The following TCEANC2 variants were observed in gnomAD, a reference collection of about 807,000 sequenced individuals.
TCEANC2 encodes the protein transcription elongation factor A N-terminal and central domain-containing protein 2.
A neutral mutation model predicts 22.8 loss-of-function variants in TCEANC2; 20 were observed. That is an observed-to-expected ratio of 0.88 (90% CI 0.62 to 1.28). The LOEUF (loss-of-function observed/expected upper bound fraction) is 1.28. TCEANC2 is among the 50% of genes most tolerant of loss of function. TCEANC2 has a pLI of 0.00. For missense variants in TCEANC2, 251 were observed against 249.7 expected (o/e 1.01, Z -0.03); for synonymous variants, 84 against 95.5 (o/e 0.88, Z 0.70).
rs562042436 is a variant in TCEANC2, at chr1:54,074,321, G to A, written c.244+5424G>A. On this transcript the variant is annotated intron_variant, in intron 3 of 4. Coordinates refer to ENST00000234827, the MANE Select transcript of TCEANC2 (RefSeq NM_153035.3). ...TACTAAAAATACAAACAATTAGCTG[G>A]GCATGGTGGCGGACGCCTGTAGTCC... 2.0e-5 allele frequency among the ~76,000 whole-genome samples: 3 copies of A among 152,246 alleles called. No homozygotes were observed. In the South Asian group the frequency reaches 6.2e-4, roughly 32 times the overall value.
intron 2 of TCEANC2, among the ~76,000 whole-genome samples, chr1:54,060,147 C>T (rs920336750): frequency 6.6e-6 from 1 of 152,170 alleles, no homozygotes; most frequent in African/African-American, 2.4e-5. Context: ...GTGGCTCACA[C>T]CTGTAATCCC....
Position 54,097,833 on chromosome 1 carries a change from A to G in TCEANC2, c.*1360A>G, listed in dbSNP as rs956236526. On this transcript the variant is annotated 3_prime_UTR_variant, in exon 5 of 5. Coordinates refer to ENST00000234827, the MANE Select transcript of TCEANC2 (RefSeq NM_153035.3). ...ACAGAAACATCACCTTCAATTTCCT[A>G]CTGCTAGTAACTATTGGAGCTAGAA... The G allele has an allele frequency of 1.3e-5, 2 of 152,170 alleles. No individual in the cohort carries two copies. Among genetic ancestry groups the G allele is most frequent in the African/African-American group, 4.8e-5 (2 of 41,436 alleles). The allele number at this position is 152,170 out of a possible 1,614,324, so 9.4% of individuals were successfully genotyped here. A position where few individuals can be genotyped will look rare whatever the true frequency, so the allele number is the denominator to read the frequency against.
chr1:54,073,869 G>C (rs1658100570), intron 3 of TCEANC2, among the ~76,000 whole-genome samples: 1 of 152,190 alleles, frequency 6.6e-6, no homozygotes, highest in Non-Finnish European at 1.5e-5. Context: ...AGACATACAT[G>C]TAATAAATCC....
rs1658609178 is a variant in TCEANC2, at chr1:54,099,094, G to C, written c.*2621G>C. ...GAACTGGTCACTTTTGTGTTAATAG[G>C]CTATGTGGAAGAGAAGCTGGGGTAG... On this transcript the variant is annotated 3_prime_UTR_variant, in exon 5 of 5. Coordinates refer to ENST00000234827, the MANE Select transcript of TCEANC2 (RefSeq NM_153035.3). The C allele has an allele frequency of 1.3e-5, 2 of 152,238 alleles. No homozygotes were observed. Among genetic ancestry groups the C allele is most frequent in the Non-Finnish European group, 2.9e-5 (2 of 68,064 alleles). The allele number at this position is 152,238 out of a possible 1,614,324, so 9.4% of individuals were successfully genotyped here.
downstream of TCEANC2, chr1:54,110,955 A>G (rs1658830092): frequency 6.6e-6 from 1 of 152,252 alleles, no homozygotes; most frequent in Non-Finnish European, 1.5e-5. Flanking sequence ...ACTCTCTGAC[A>G]CATCAGTGTT....
intron 3 of TCEANC2, among the ~76,000 whole-genome samples, chr1:54,074,896 A>G (rs1484003725): frequency 1.3e-5 from 2 of 152,182 alleles, no homozygotes; most frequent in Admixed American, 6.5e-5. Context: ...TCAGAAAGGG[A>G]ATGTGGTATT....
intron 2 of TCEANC2, among the ~76,000 whole-genome samples, chr1:54,059,189 A>G (rs890232504): frequency 2.8e-5 from 4 of 143,968 alleles, no homozygotes; most frequent in African/African-American, 7.8e-5. Flanking sequence ...GTCTTGCTCT[A>G]TCACCCAGGC....
intron 3 of TCEANC2, among the ~76,000 whole-genome samples, chr1:54,071,192 A>G (rs1557688694): frequency 6.6e-6 from 1 of 152,222 alleles, no homozygotes; most frequent in Non-Finnish European, 1.5e-5. Context: ...TGGTCTTGGC[A>G]TATGTATTAG....
In TCEANC2 at chr1:54,096,890, CCT is replaced by C. The variant is rs1163796497; in HGVS notation, c.*418_*419del. 7 of 989,882 alleles carry C rather than the reference CCT, an allele frequency of 7.1e-6. No homozygotes were observed. Among genetic ancestry groups the C allele is most frequent in the South Asian group, 4.6e-5 (1 of 21,576 alleles). The allele number at this position is 989,882 out of a possible 1,614,324, so 61.3% of individuals were successfully genotyped here. ...GCTGCCGCTCACTCGGTTCCATCCC[CCT>C]GAGTTTAGATAGCTCTGGTGCCTCT... On this transcript the variant is annotated 3_prime_UTR_variant, in exon 5 of 5. Transcript: ENST00000234827. The surrounding 1 kb of genome is among the most constrained non-coding windows in gnomAD (Gnocchi z 4.9).
intron 4 of TCEANC2, among the ~76,000 whole-genome samples, chr1:54,094,976 A>AT (rs200317983): frequency 2.0e-4 from 31 of 151,724 alleles, no homozygotes; most frequent in Admixed American, 1.8e-3. Context: ...CCATCTCTAA[A>AT]TTTTTTTTTA....
intron 2 of TCEANC2, among the ~76,000 whole-genome samples, chr1:54,054,760 G>A (rs1416291907): frequency 6.6e-6 from 1 of 152,152 alleles, no homozygotes; most frequent in Non-Finnish European, 1.5e-5. Context: ...GTGCTAGCTC[G>A]TAGGACAAGT....
chr1:54,068,747 T>C lies in TCEANC2; in HGVS notation c.103-9T>C, dbSNP rs765378830. On this transcript the variant is annotated splice_polypyrimidine_tract_variant and intron_variant, in intron 2 of 4. Transcript: ENST00000234827. The stretch of plus-strand genomic sequence containing the variant: ...GTTCCATTTTCCAAATGACTTTTCT[T>C]TTTCCCAGAGAGTTGTGGTTGTAGA... 6.3e-7 allele frequency: 1 copy of C among 1,582,896 alleles called. No individual in the cohort carries two copies. Among genetic ancestry groups the C allele is most frequent in the Admixed American group, 2.0e-5 (1 of 51,148 alleles).
rs1658617491 is a variant in TCEANC2 at position 54,099,471 on chromosome 1, C to T, written c.*2998C>T. On this transcript the variant is annotated 3_prime_UTR_variant, in exon 5 of 5. Transcript: ENST00000234827. ...AAAATGAAAAGGTTGAGGCCGGGTG[C>T]ATTGGTTCATGCCTATAATCCCAGC... 1 of 152,184 alleles carries T rather than the reference C, an allele frequency of 6.6e-6. No individual in the cohort carries two copies. Among genetic ancestry groups the T allele is most frequent in the Admixed American group, 6.5e-5 (1 of 15,276 alleles). The allele number at this position is 152,184 out of a possible 1,614,324, so 9.4% of individuals were successfully genotyped here.
At chr1:54,074,827 A>G (rs555363975) in intron 3 of TCEANC2, among the ~76,000 whole-genome samples, 3 of 152,340 alleles carry the variant, frequency 2.0e-5, no homozygotes, top group East Asian at 3.9e-4. Context: ...ATGAAAATGA[A>G]ACAAAATAGA....
intron 2 of TCEANC2, among the ~76,000 whole-genome samples, chr1:54,065,354 T>C (rs1254466995): frequency 6.6e-6 from 1 of 152,126 alleles, no homozygotes; most frequent in Admixed American, 6.5e-5. Context: ...AGCCATGGAA[T>C]TGGGGTTTCT....
chr1:54,089,876 C>A, intron 4 of TCEANC2: 1 of 626,010 alleles, frequency 1.6e-6, no homozygotes, highest in Non-Finnish European at 2.9e-6. Flanking sequence ...TGGTCAAAAA[C>A]GCACCAAGTC....
chr1:54,077,939 A>G (rs1369641213), intron 3 of TCEANC2, among the ~76,000 whole-genome samples: 1 of 152,122 alleles, frequency 6.6e-6, no homozygotes, highest in African/African-American at 2.4e-5. Context: ...CCATGTCTCC[A>G]GCTTAACTGA....
At chr1:54,066,527 C>T (rs1248875048) in intron 2 of TCEANC2, among the ~76,000 whole-genome samples, 2 of 152,008 alleles carry the variant, frequency 1.3e-5, no homozygotes, top group African/African-American at 4.8e-5. Flanking sequence ...CTGTCATAGA[C>T]AGGAGTTCAT....
chr1:54,096,360 CG>C lies in TCEANC2; in HGVS notation c.516del (p.Arg173GlyfsTer3). ...LCSRLINGPY[R>X]RTVRALVFTL... ...CTCCCGCCTCATTAATGGGCCGTAC[CG>C]GCGGACGGTGAGAGCCCTGGTCTTC... On this transcript the variant is annotated frameshift_variant, in exon 5 of 5. Coordinates refer to ENST00000234827, the MANE Select transcript of TCEANC2 (RefSeq NM_153035.3). LOFTEE classifies it high-confidence loss of function. The surrounding 1 kb of genome is among the most constrained non-coding windows in gnomAD (Gnocchi z 4.9). The C allele has an allele frequency of 6.2e-7, 1 of 1,612,638 alleles. No individual in the cohort carries two copies. Among genetic ancestry groups the C allele is most frequent in the Non-Finnish European group, 8.5e-7 (1 of 1,178,664 alleles).
Sources: allele counts gnomAD v4.1 joint callset (sites outside exome capture counted in the v4.1 genomes callset), GRCh38; gene constraint gnomAD v4.1.1; non-coding constraint Gnocchi (gnomAD v3.1); transcripts MANE v1.5; gene names NCBI Gene and HGNC (gene_info 2026-07-23, HGNC 2026-07-21).